Variants in WFDC8 observed in about 807,000 individuals in gnomAD.
The protein encoded by WFDC8 is WAP four-disulfide core domain protein 8.
A neutral mutation model predicts 27.0 loss-of-function variants in WFDC8; 24 were observed. The ratio of observed to expected loss-of-function variants is 0.89; its 90% confidence interval spans 0.64 to 1.25. The LOEUF (loss-of-function observed/expected upper bound fraction) is 1.25, where lower values mean the gene tolerates loss of function less well. WFDC8 is among the 50% of genes most tolerant of loss of function. The pLI, the probability that WFDC8 is intolerant of heterozygous loss-of-function variation, is 0.00. For missense variants in WFDC8, 287 were observed against 295.9 expected (o/e 0.97, Z 0.22); for synonymous variants, 106 against 99.7 (o/e 1.06, Z -0.38).
chr20:45,561,213 T>G (rs914229627), intron 2 of WFDC8, among the ~76,000 whole-genome samples: 2 of 152,178 alleles, frequency 1.3e-5, no homozygotes, highest in African/African-American at 2.4e-5. Flanking sequence ...AGATCTGGTC[T>G]CAGCTGTCTT....
intron 1 of WFDC8, chr20:45,568,718 G>A (rs1980768072): frequency 3.8e-6 from 2 of 529,548 alleles, no homozygotes; most frequent in African/African-American, 1.9e-5. Flanking sequence ...CACAGAAGAT[G>A]TGAGAGCAGA....
At position 45,558,731 on chromosome 20, in the gene WFDC8, A is replaced by C. The variant is rs1392914772; in HGVS notation, c.277+121T>G. ...CTTGTACTTGAGGGTTAGGCATTGAATAACAGAATGAGAAGAGCACAGGCC... is the reference window on the plus strand; with the variant it reads ...CTTGTACTTGAGGGTTAGGCATTGACTAACAGAATGAGAAGAGCACAGGCC... On this transcript the variant is annotated intron_variant, in intron 3 of 5. Transcript: ENST00000289953. 2.4e-6 allele frequency: 3 copies of C among 1,257,494 alleles called. No homozygotes were observed. In the Admixed American group the frequency reaches 6.9e-5, roughly 29 times the overall value. 77.9% of individuals were successfully genotyped at this position (1,257,494 alleles called of 1,614,324 possible). A position where few individuals can be genotyped will look rare whatever the true frequency, so the allele number is the denominator to read the frequency against.
intron 1 of WFDC8, among the ~76,000 whole-genome samples, chr20:45,567,082 C>T (rs1003127691): frequency 1.3e-5 from 2 of 151,848 alleles, no homozygotes; most frequent in Non-Finnish European, 2.9e-5. Context: ...TTTCTATCTA[C>T]AGTTGATTGG....
intron 1 of WFDC8, among the ~76,000 whole-genome samples, chr20:45,576,588 G>C (rs1196789473): frequency 6.6e-6 from 1 of 151,040 alleles, no homozygotes; most frequent in Non-Finnish European, 1.5e-5. Flanking sequence ...AGTAGAGACG[G>C]GGTCTTTCCA....
At chr20:45,564,948 A>AG (rs1555798523) in intron 1 of WFDC8, among the ~76,000 whole-genome samples, 1 of 143,668 alleles carries the variant, frequency 7.0e-6, no homozygotes, top group Non-Finnish European at 1.5e-5. Context: ...AAAGAAAGAA[A>AG]GAAGGAAGGA....
At position 45,562,224 on chromosome 20, in the gene WFDC8, A is replaced by G. The variant is rs1980496650; in HGVS notation, c.27-5T>C. The stretch of plus-strand genomic sequence containing the variant: ...GGGCTATGGAGAGGAAAGTGCCTGT[A>G]TGGATGAGAAGAGAGGTGGGAGTTA... On this transcript the variant is annotated splice_region_variant and splice_polypyrimidine_tract_variant and intron_variant, in intron 1 of 5. Transcript: ENST00000289953. 3 of 1,612,152 alleles carry G rather than the reference A, an allele frequency of 1.9e-6. No homozygotes were observed. The East Asian group carries it at 6.7e-5, about 36-fold the overall frequency.
At chr20:45,559,556 G>A (rs1980390737) in intron 2 of WFDC8, among the ~76,000 whole-genome samples, 1 of 152,128 alleles carries the variant, frequency 6.6e-6, no homozygotes, top group Admixed American at 6.5e-5. Context: ...ATAATCTTGG[G>A]AAAGTATTTC....
chr20:45,553,424 G>T (rs1980120128), intron 4 of WFDC8, 148 bp from the exon 5 acceptor site: 2 of 1,053,054 alleles, frequency 1.9e-6, no homozygotes, highest in Non-Finnish European at 2.6e-6. Context: ...GTGGAAGAAT[G>T]AAATGTCTCA....
intron 1 of WFDC8, chr20:45,568,086 A>T: frequency 2.7e-6 from 1 of 365,368 alleles, no homozygotes; most frequent in South Asian, 2.9e-5. Context: ...TGCTGTGCGC[A>T]GGTGCTGTGG....
At chr20:45,560,247 A>G (rs990168882) in intron 2 of WFDC8, among the ~76,000 whole-genome samples, 2 of 152,214 alleles carry the variant, frequency 1.3e-5, no homozygotes, top group African/African-American at 4.8e-5. Flanking sequence ...GGTGGCATCT[A>G]GAAGTGACAG....
At chr20:45,556,620 C>T (rs62205621) in intron 3 of WFDC8, among the ~76,000 whole-genome samples, 58,259 of 151,980 alleles carry the variant, frequency 0.38, 11,637 homozygotes, top group Non-Finnish European at 0.43. Flanking sequence ...CTTATAACTA[C>T]ATAAGAAGTT....
intron 5 of WFDC8, among the ~76,000 whole-genome samples, chr20:45,552,906 G>A (rs113800923): frequency 7.4e-4 from 113 of 152,274 alleles, no homozygotes; most frequent in African/African-American, 2.6e-3. Context: ...GTTTTCTTGG[G>A]GAAGAATAGA....
chr20:45,555,820 T>C lies in WFDC8; in HGVS notation c.326A>G (p.Gln109Arg). The change falls in exon 4 of 6, where the codon CAG becomes CGG. Residue 109 changes from glutamine (Q) to arginine (R), a missense_variant. Gln to Arg is a conservative substitution (Grantham distance 43, BLOSUM62 1). Transcript: ENST00000289953. Reference protein sequence around the residue: ...VRHGNCNHEAQRWHFDFKNYR... With the variant: ...VRHGNCNHEARRWHFDFKNYR... ...ATTTTTAAAGTCAAAATGCCAGCGCTGTGCCTCATGATTACAGTTTCCATG... is the reference window on the plus strand; with the variant it reads ...ATTTTTAAAGTCAAAATGCCAGCGCCGTGCCTCATGATTACAGTTTCCATG... 2 of 1,614,062 alleles carry C rather than the reference T, an allele frequency of 1.2e-6. No individual in the cohort carries two copies. The highest frequency in any genetic ancestry group is 4.5e-5 in the East Asian group (2 of 44,882).
At chr20:45,554,401 T>C (rs6514012) in intron 4 of WFDC8, among the ~76,000 whole-genome samples, 1 of 151,798 alleles carries the variant, frequency 6.6e-6, no homozygotes, top group African/African-American at 2.4e-5. Flanking sequence ...AGATAGTGGA[T>C]TTTAGGAGTC....
At chr20:45,574,592 C>T (rs1364163986) in intron 1 of WFDC8, among the ~76,000 whole-genome samples, 16 of 152,206 alleles carry the variant, frequency 1.1e-4, no homozygotes, top group Admixed American at 9.2e-4. Context: ...GCTAGGCGTT[C>T]GAGACCAGCC....
At chr20:45,551,154 C>T (rs1489515428), downstream of WFDC8, 1 of 152,108 alleles carries the variant, frequency 6.6e-6, no homozygotes, top group African/African-American at 2.4e-5. Flanking sequence ...TATATTGATA[C>T]AGCAGTCTGC....
chr20:45,568,817 G>C (rs1980772783), intron 1 of WFDC8: 1 of 360,222 alleles, frequency 2.8e-6, no homozygotes, highest in Non-Finnish European at 5.7e-6. Flanking sequence ...TAATAGGATA[G>C]TGAGGTCTCC....
At chr20:45,551,743 A>G (rs181535395), downstream of WFDC8, 735 of 275,128 alleles carry the variant, frequency 2.7e-3, 6 homozygotes, top group African/African-American at 0.015. Flanking sequence ...TGACTTTAAA[A>G]TAAGGAACTA....
chr20:45,577,012 A>G (rs572919883), intron 1 of WFDC8, among the ~76,000 whole-genome samples: 3 of 151,346 alleles, frequency 2.0e-5, no homozygotes, highest in Non-Finnish European at 4.4e-5. Flanking sequence ...ATTACCCAAA[A>G]ATCAATACTC....
Sources: allele counts gnomAD v4.1 joint callset (sites outside exome capture counted in the v4.1 genomes callset), GRCh38; gene constraint gnomAD v4.1.1; transcripts MANE v1.5; gene names NCBI Gene and HGNC (gene_info 2026-07-23, HGNC 2026-07-21).